Variants in HYAL4 observed in about 807,000 individuals in gnomAD.
The protein encoded by HYAL4 is hyaluronidase 4, also known as hyaluronidase-4.
A neutral mutation model predicts 35.2 loss-of-function variants in HYAL4; 37 were observed. The ratio of observed to expected loss-of-function variants is 1.05; its 90% CI spans 0.81 to 1.38. The LOEUF (loss-of-function observed/expected upper bound fraction) is 1.38. Ranked by LOEUF, HYAL4 falls within the 40% of genes most tolerant of loss-of-function variation. The probability of loss-of-function intolerance (pLI) is 0.00; values close to 1 mark genes in which losing one functional copy is unlikely to be tolerated. For missense variants in HYAL4, 572 were observed against 572.4 expected, an observed-to-expected ratio of 1.00 and a Z score of 0.01; for synonymous variants, 198 against 203.2, an observed-to-expected ratio of 0.97 and a Z score of 0.22.
the HYAL4 span, among the ~76,000 whole-genome samples, chr7:123,778,936 A>C: frequency 6.6e-6 from 1 of 152,210 alleles, no homozygotes; most frequent in Non-Finnish European, 1.5e-5. Flanking sequence ...AGTAGATATG[A>C]GAATCCAAAT....
chr7:123,868,408 G>T lies in HYAL4; in HGVS notation c.135G>T (p.Arg45Ser). 1.2e-6 allele frequency: 2 copies of T among 1,612,994 alleles called. No individual in the cohort carries two copies. Among genetic ancestry groups the T allele is most frequent in the Non-Finnish European group, 1.7e-6 (2 of 1,179,622 alleles). ...LKPARLPIYQ[R>S]KPFIAAWNAP... is the part of the protein sequence containing the mutation. ...CTGCTCGACTTCCAATTTATCAAAGGAAACCTTTTATAGCTGCTTGGAATG... is the reference window on the plus strand; with the variant it reads ...CTGCTCGACTTCCAATTTATCAAAGTAAACCTTTTATAGCTGCTTGGAATG... The change falls in exon 3 of 5, where the codon AGG (arginine) becomes AGT (serine). Residue 45 changes from arginine (R) to serine (S), a missense_variant. Arg to Ser is a moderately radical substitution (Grantham distance 110, BLOSUM62 -1). Coordinates refer to ENST00000223026, the MANE Select transcript of HYAL4 (RefSeq NM_012269.3).
chr7:123,776,327 G>C, the HYAL4 span, among the ~76,000 whole-genome samples: 1 of 152,180 alleles, frequency 6.6e-6, no homozygotes, highest in Non-Finnish European at 1.5e-5. Context: ...TCAATGCAAC[G>C]ATGGGCGACA....
chr7:123,765,721 A>C, the HYAL4 span, among the ~76,000 whole-genome samples: 1 of 152,172 alleles, frequency 6.6e-6, no homozygotes, highest in Middle Eastern at 3.2e-3. Flanking sequence ...CATTTCAACT[A>C]ATCTACTACC....
upstream of HYAL4, among the ~76,000 whole-genome samples, chr7:123,824,502 T>C (rs1179100355): frequency 1.3e-5 from 2 of 152,114 alleles, no homozygotes; most frequent in East Asian, 3.9e-4. Context: ...TGCCATTTAG[T>C]GGCTGACTTT....
the HYAL4 span, among the ~76,000 whole-genome samples, chr7:123,812,251 T>G: frequency 2.6e-5 from 4 of 152,176 alleles, no homozygotes; most frequent in African/African-American, 9.7e-5. Flanking sequence ...AATTCAAGTG[T>G]ATGTGTGTAT....
At chr7:123,824,033 G>A (rs2116899381), upstream of HYAL4, among the ~76,000 whole-genome samples, 1 of 152,210 alleles carries the variant, frequency 6.6e-6, no homozygotes, top group Middle Eastern at 3.4e-3. Flanking sequence ...TTCATTCAGT[G>A]TGACACAAGT....
Position 123,868,656 on chromosome 7 carries a change from ATATTAAT to A in HYAL4, c.389_395del (p.Asn130ThrfsTer13). ...GTACATCTGGAAAAAGCTGACCAAG[ATATTAAT>A]TATTACATCCCTGCTGAAGATTTCA... On this transcript the variant is annotated frameshift_variant, in exon 3 of 5. Transcript: ENST00000223026. LOFTEE classifies it high-confidence loss of function. 6.2e-7 allele frequency: 1 copy of A among 1,613,760 alleles called. No individual in the cohort carries two copies. Among genetic ancestry groups the A allele is most frequent in the Non-Finnish European group, 8.5e-7 (1 of 1,179,954 alleles).
In HYAL4 at chr7:123,868,660, T is replaced by G; in HGVS notation, c.387T>G (p.Ile129Met). Residue 129 changes from isoleucine (I) to methionine (M), a missense_variant, in exon 3 of 5, where the codon ATT becomes ATG. Ile to Met is a conservative substitution (Grantham distance 10, BLOSUM62 1). Coordinates refer to ENST00000223026, the MANE Select transcript of HYAL4 (RefSeq NM_012269.3). ...QVHLEKADQD[I>M]NYYIPAEDFS... ...ATCTGGAAAAAGCTGACCAAGATAT[T>G]AATTATTACATCCCTGCTGAAGATT... is the stretch of plus-strand genomic sequence containing the variant. 6.2e-7 allele frequency: 1 copy of G among 1,613,702 alleles called. No individual in the cohort carries two copies. Among genetic ancestry groups the G allele is most frequent in the Non-Finnish European group, 8.5e-7 (1 of 1,179,942 alleles).
At chr7:123,866,572 A>G (rs1236574517) in intron 2 of HYAL4, among the ~76,000 whole-genome samples, 1 of 152,184 alleles carries the variant, frequency 6.6e-6, no homozygotes, top group East Asian at 1.9e-4. Flanking sequence ...GGACACCTTA[A>G]TCTCACTAGG....
chr7:123,869,965 C>T (rs557657620), intron 3 of HYAL4, among the ~76,000 whole-genome samples: 3 of 152,220 alleles, frequency 2.0e-5, no homozygotes, highest in Non-Finnish European at 4.4e-5. Context: ...GCTGAGATTA[C>T]AGGCATGAGC....
intron 4 of HYAL4, among the ~76,000 whole-genome samples, chr7:123,876,255 G>A (rs748704131): frequency 1.3e-5 from 2 of 152,218 alleles, no homozygotes; most frequent in African/African-American, 2.4e-5. Flanking sequence ...TGGTAGAATG[G>A]TGGCATAAGA....
At chr7:123,816,514 A>G in the HYAL4 span, among the ~76,000 whole-genome samples, 6 of 152,226 alleles carry the variant, frequency 3.9e-5, no homozygotes, top group East Asian at 7.7e-4. Flanking sequence ...CATGCAGTCA[A>G]AGAGTTCACC....
At chr7:123,832,316 C>T (rs1294933976) in intron 1 of HYAL4, among the ~76,000 whole-genome samples, 1 of 151,308 alleles carries the variant, frequency 6.6e-6, no homozygotes, top group Non-Finnish European at 1.5e-5. Context: ...TTTGGGGGAA[C>T]AGGTGGTATT....
chr7:123,799,040 A>G, the HYAL4 span, among the ~76,000 whole-genome samples: 1 of 152,316 alleles, frequency 6.6e-6, no homozygotes, highest in Middle Eastern at 3.4e-3. Context: ...TTGCAACTAG[A>G]CTGAAGGGGG....
rs374034848 is a variant in HYAL4 at position 123,863,575 on chromosome 7, C to T, written c.-51-4648C>T. The stretch of plus-strand genomic sequence containing the variant: ...ATTAGATGTTGTCAGAAAGCAGAGG[C>T]GTTCCTGTGATTGGGTAAAGAATAG... On this transcript the variant is annotated intron_variant, in intron 2 of 4. Coordinates refer to ENST00000223026, the MANE Select transcript of HYAL4 (RefSeq NM_012269.3). 4.6e-5 allele frequency among the ~76,000 whole-genome samples: 7 copies of T among 152,244 alleles called. No homozygotes were observed. The East Asian group carries it at 5.8e-4, about 13-fold the overall frequency.
the HYAL4 span, among the ~76,000 whole-genome samples, chr7:123,782,536 A>G: frequency 2.6e-5 from 4 of 151,940 alleles, no homozygotes; most frequent in Non-Finnish European, 2.9e-5. Context: ...AAAAAACCCT[A>G]TAAAAGTAGG....
At chr7:123,847,746 C>G (rs1394880284) in intron 1 of HYAL4, among the ~76,000 whole-genome samples, 1 of 152,160 alleles carries the variant, frequency 6.6e-6, no homozygotes, top group Non-Finnish European at 1.5e-5. Context: ...CCACTCCACT[C>G]TAGCCTAGAT....
the HYAL4 span, among the ~76,000 whole-genome samples, chr7:123,796,571 T>A: frequency 1.3e-5 from 2 of 152,188 alleles, no homozygotes; most frequent in Non-Finnish European, 2.9e-5. Context: ...TATGACCTAG[T>A]AGTTCCACTT....
chr7:123,826,579 A>T (rs1805804884), upstream of HYAL4, among the ~76,000 whole-genome samples: 1 of 152,122 alleles, frequency 6.6e-6, no homozygotes. Context: ...TTTCTAATTA[A>T]TTTGAAATTG....
Sources: allele counts gnomAD v4.1 joint callset (sites outside exome capture counted in the v4.1 genomes callset), GRCh38; gene constraint gnomAD v4.1.1; transcripts MANE v1.5; gene names NCBI Gene and HGNC (gene_info 2026-07-23, HGNC 2026-07-21).